Variants in EMC3 observed in about 807,000 individuals in gnomAD.
EMC3 encodes 30 kDa protein.
In EMC3, 13 loss-of-function variants were observed where a neutral mutation model predicts 36.6. That is an observed-to-expected ratio of 0.35 (90% CI 0.23 to 0.56). EMC3 has a LOEUF of 0.56. EMC3 is among the 20% of genes least tolerant of loss of function. The probability of loss-of-function intolerance (pLI) is 0.84; values close to 1 mark genes in which losing one functional copy is unlikely to be tolerated. For synonymous variants in EMC3, 120 were observed against 111.9 expected (o/e 1.07, Z -0.46); for missense variants, 220 against 324.5 (o/e 0.68, Z 2.47).
At chr3:10,002,758 C>T (rs1397743255) in intron 1 of EMC3, 3 of 450,208 alleles carry the variant, frequency 6.7e-6, no homozygotes, top group Non-Finnish European at 1.3e-5. Flanking sequence ...CAACTGGATA[C>T]ACCCAGAAAT....
intron 1 of EMC3, among the ~76,000 whole-genome samples, chr3:9,993,902 C>T (rs879674044): frequency 1.8e-4 from 27 of 152,268 alleles, no homozygotes; most frequent in Non-Finnish European, 4.0e-4. Flanking sequence ...GAAGATCTGG[C>T]CTCCAATCCC....
intron 1 of EMC3, 68 bp downstream of exon 1, chr3:9,986,439 C>A: frequency 1.3e-6 from 2 of 1,581,792 alleles, no homozygotes; most frequent in Non-Finnish European, 8.6e-7. Context: ...CAAATTGACA[C>A]AACTCCTGCA....
chr3:9,974,530 C>A, intron 3 of EMC3, 42 bp from the exon 4 acceptor site: 3 of 1,338,386 alleles, frequency 2.2e-6, no homozygotes, highest in Non-Finnish European at 2.1e-6. Flanking sequence ...AGTTTTACCT[C>A]TGTTGCCAGG....
chr3:9,998,185 T>C (rs2086151399), intron 1 of EMC3, among the ~76,000 whole-genome samples: 1 of 151,624 alleles, frequency 6.6e-6, no homozygotes, highest in Non-Finnish European at 1.5e-5. Flanking sequence ...GCTAACATGG[T>C]GAAACCCCGT....
In EMC3 at chr3:9,977,056, A is replaced by T. The variant is rs1278011499; in HGVS notation, c.214-6T>A. 9 of 337,394 alleles carry T rather than the reference A, an allele frequency of 2.7e-5. No individual in the cohort carries two copies. The highest frequency in any genetic ancestry group is 2.7e-5 in the Non-Finnish European group (6 of 224,662). The allele number at this position is 337,394 out of a possible 1,614,324, so 20.9% of individuals were successfully genotyped here. On this transcript the variant is annotated splice_region_variant and splice_polypyrimidine_tract_variant and intron_variant, in intron 2 of 7. Transcript: ENST00000245046. ...TATTTTCGTGTCAAGAAAGACTAGT[A>T]AAAAAAAAAAAAAGTGTTTTAAGTC...
At chr3:9,967,205 C>T (rs539820433) in intron 7 of EMC3, among the ~76,000 whole-genome samples, 15 of 152,244 alleles carry the variant, frequency 9.9e-5, no homozygotes, top group African/African-American at 3.4e-4. Context: ...GACAGGGTCT[C>T]GCTCTGTCAC....
At chr3:9,987,852 T>C, upstream of EMC3, 1 of 696,564 alleles carries the variant, frequency 1.4e-6, no homozygotes, top group Admixed American at 1.9e-5. Context: ...GACTGGACTG[T>C]ACCTACCCAC....
At position 10,005,517 on chromosome 3, in the gene EMC3, CAG is replaced by C. The variant is rs1301513577; in HGVS notation, c.-242+5504_-242+5505del. On this transcript the variant is annotated intron_variant, in intron 1 of 8. Transcript: ENST00000470827. ...AGGGCCAGGACTTTGCCCTTTTACT[CAG>C]GGAAGCCTCCAAACTTCAAGAAAAA... Among the ~76,000 whole-genome samples the C allele has an allele frequency of 3.3e-5, 5 of 152,154 alleles. No homozygotes were observed. In the East Asian group the frequency reaches 9.6e-4, roughly 29 times the overall value.
rs551663139 is a variant in EMC3, at chr3:9,986,691, A to T, written c.-30T>A. The T allele has an allele frequency of 6.2e-7, 1 of 1,611,992 alleles. No homozygotes were observed. The highest frequency in any genetic ancestry group is 1.7e-5 in the Admixed American group (1 of 59,846). On this transcript the variant is annotated 5_prime_UTR_variant, in exon 1 of 8. Transcript: ENST00000245046. ...ACTGAAAGCTGGTTCCCAGTCTGGAATGGGCGAGCTTCTCTTCTCCGGGGC... is the reference window on the plus strand; with the variant it reads ...ACTGAAAGCTGGTTCCCAGTCTGGATTGGGCGAGCTTCTCTTCTCCGGGGC...
intron 1 of EMC3, among the ~76,000 whole-genome samples, chr3:10,008,024 T>C (rs770338754): frequency 6.6e-5 from 10 of 152,236 alleles, no homozygotes; most frequent in Non-Finnish European, 1.5e-4. Context: ...TAAATCCACA[T>C]TGGGGATGAA....
intron 1 of EMC3, chr3:10,010,768 G>C (rs1390113371): frequency 6.6e-6 from 1 of 152,506 alleles, no homozygotes; most frequent in Non-Finnish European, 1.5e-5. Flanking sequence ...ACCCGAGTTA[G>C]TGCCCCCTCC....
intron 1 of EMC3, 139 bp downstream of exon 1, chr3:9,986,368 G>C: frequency 1.1e-6 from 1 of 944,390 alleles, no homozygotes; most frequent in South Asian, 1.5e-5. Flanking sequence ...GAGGACAAAA[G>C]TGAAACACAG....
At chr3:9,987,242 C>T (rs1417504029), upstream of EMC3, 6 of 850,098 alleles carry the variant, frequency 7.1e-6, no homozygotes, top group Non-Finnish European at 8.5e-6. Context: ...AGAAAGAAAA[C>T]TACAGGCGGG....
rs754448039 is a variant in EMC3 at position 9,964,229 on chromosome 3, A to G, written c.658-32T>C. ...TGGAAGAGAACACCCAGGCAGGAAG[A>G]GAGGGAATTGTTACTGACAGCTGTG... is the stretch of plus-strand genomic sequence containing the variant. On this transcript the variant is annotated intron_variant, in intron 7 of 7. Transcript: ENST00000245046. 3 of 1,610,618 alleles carry G rather than the reference A, an allele frequency of 1.9e-6. No homozygotes were observed. The South Asian group carries it at 3.3e-5, about 18-fold the overall frequency.
Position 9,973,567 on chromosome 3 carries a change from C to T in EMC3, c.494+61G>A. On this transcript the variant is annotated intron_variant, in intron 5 of 7. Transcript: ENST00000245046. The stretch of plus-strand genomic sequence containing the variant: ...CTCAAACTCATGGGCTCAAGTGATC[C>T]TCCCGCCTTGGCTTCCCAAAGTGTG... 3 of 1,473,390 alleles carry T rather than the reference C, an allele frequency of 2.0e-6. No homozygotes were observed. The South Asian group carries it at 3.4e-5, about 17-fold the overall frequency. 91.3% of individuals were successfully genotyped at this position (1,473,390 alleles called of 1,614,324 possible). A position where few individuals can be genotyped will look rare whatever the true frequency, so the allele number is the denominator to read the frequency against.
chr3:9,984,339 C>T (rs1464532175), intron 1 of EMC3, among the ~76,000 whole-genome samples: 1 of 151,938 alleles, frequency 6.6e-6, no homozygotes, highest in Non-Finnish European at 1.5e-5. Context: ...CTCGGCCTCT[C>T]AAAGTGTTGG....
intron 1 of EMC3, among the ~76,000 whole-genome samples, chr3:9,998,149 G>A (rs1055702386): frequency 3.3e-5 from 5 of 151,740 alleles, no homozygotes; most frequent in African/African-American, 9.7e-5. Context: ...GGCAGATCAC[G>A]AGGTCAGGAG....
upstream of EMC3, among the ~76,000 whole-genome samples, chr3:9,989,484 G>A (rs905471407): frequency 1.3e-5 from 2 of 152,214 alleles, no homozygotes; most frequent in African/African-American, 2.4e-5. Flanking sequence ...AAGATAAAAA[G>A]CCAGATGATT....
At chr3:9,976,886 G>GC in intron 3 of EMC3, 71 bp downstream of exon 3, 2 of 1,088,814 alleles carry the variant, frequency 1.8e-6, no homozygotes, top group Non-Finnish European at 2.7e-6. Flanking sequence ...CACCCTCCCT[G>GC]CCTACCCCAC....
Sources: allele counts gnomAD v4.1 joint callset (sites outside exome capture counted in the v4.1 genomes callset), GRCh38; gene constraint gnomAD v4.1.1; transcripts MANE v1.5; gene names NCBI Gene and HGNC (gene_info 2026-07-23, HGNC 2026-07-21).